The following MGMT variants were observed in gnomAD, a reference collection of about 807,000 sequenced individuals.
MGMT encodes the protein methylated-DNA--protein-cysteine methyltransferase.
Under a neutral mutation model 15.9 loss-of-function variants are expected in MGMT, and 14 were observed. That is an observed-to-expected ratio of 0.88 (90% CI 0.58 to 1.37). The LOEUF (loss-of-function observed/expected upper bound fraction) is 1.37. Among genes scored for constraint, MGMT ranks in the 40% most tolerant of loss-of-function variants. MGMT has a pLI of 0.00. For synonymous variants in MGMT, 130 were observed against 118.2 expected, an observed-to-expected ratio of 1.10 and a Z score of -0.65; for missense variants, 282 against 268.1, an observed-to-expected ratio of 1.05 and a Z score of -0.36.
chr10:129,754,726 G>A (rs969058163), intron 3 of MGMT, among the ~76,000 whole-genome samples: 1 of 152,264 alleles, frequency 6.6e-6, no homozygotes, highest in Admixed American at 6.5e-5. Context: ...TCCATGGCGA[G>A]GAAGCATGCC....
intron 2 of MGMT, among the ~76,000 whole-genome samples, chr10:129,598,635 T>G (rs1846781366): frequency 6.6e-6 from 1 of 152,230 alleles, no homozygotes. Context: ...CTCTATTTGG[T>G]GTTTTTGTTC....
chr10:129,660,965 G>A (rs9299872), intron 2 of MGMT, among the ~76,000 whole-genome samples: 49,775 of 152,070 alleles, frequency 0.33, 8,706 homozygotes, highest in East Asian at 0.37. Context: ...AAGTACAGCC[G>A]TAAAATCCTC....
At chr10:129,667,175 C>T (rs1847668892) in intron 2 of MGMT, among the ~76,000 whole-genome samples, 3 of 152,130 alleles carry the variant, frequency 2.0e-5, no homozygotes, top group Admixed American at 1.3e-4. Flanking sequence ...ACCATGGCGG[C>T]CCCTCAGAAC....
At chr10:129,522,094 A>AG (rs1845817765) in intron 1 of MGMT, among the ~76,000 whole-genome samples, 6 of 98,956 alleles carry the variant, frequency 6.1e-5, no homozygotes, top group Admixed American at 4.0e-4. Context: ...ATGGAGAAGA[A>AG]TTGGGTAAGG....
chr10:129,734,380 A>C (rs1412963605), intron 3 of MGMT, among the ~76,000 whole-genome samples: 1 of 146,160 alleles, frequency 6.8e-6, no homozygotes, highest in African/African-American at 2.4e-5. Context: ...TTGGTGTATA[A>C]GAATGCTTGT....
intron 2 of MGMT, among the ~76,000 whole-genome samples, chr10:129,622,624 T>C (rs1428382466): frequency 6.6e-6 from 1 of 152,252 alleles, no homozygotes; most frequent in African/African-American, 2.4e-5. Flanking sequence ...AATTTATCTT[T>C]AGTGTCCAAT....
At chr10:129,739,060 A>C (rs914064198) in intron 3 of MGMT, among the ~76,000 whole-genome samples, 1 of 152,220 alleles carries the variant, frequency 6.6e-6, no homozygotes, top group Non-Finnish European at 1.5e-5. Context: ...AAACCATATG[A>C]TTATCTCAAT....
intron 1 of MGMT, among the ~76,000 whole-genome samples, chr10:129,507,210 G>T (rs1216744761): frequency 6.6e-6 from 1 of 152,238 alleles, no homozygotes; most frequent in Non-Finnish European, 1.5e-5. Flanking sequence ...GTTGGAGCCA[G>T]CCTCTCCAGG....
chr10:129,731,747 G>A (rs1848500234), intron 3 of MGMT, among the ~76,000 whole-genome samples: 1 of 152,134 alleles, frequency 6.6e-6, no homozygotes, highest in Non-Finnish European at 1.5e-5. Flanking sequence ...GTAAACCTAT[G>A]GCAGGATATC....
intron 2 of MGMT, among the ~76,000 whole-genome samples, chr10:129,602,009 C>T (rs1462094097): frequency 2.6e-5 from 4 of 152,102 alleles, no homozygotes; most frequent in East Asian, 1.9e-4. Flanking sequence ...CTTTGACTGG[C>T]GACAGTTGCA....
rs74160232 is a variant in MGMT at position 129,569,178 on chromosome 10, G to T, written c.125+32801G>T. On this transcript the variant is annotated intron_variant, in intron 2 of 4. Coordinates refer to ENST00000651593, the MANE Select transcript of MGMT (RefSeq NM_002412.5). ...CTGTGACTTCCTCCTCTGCTAATGC[G>T]GCACTCTCATGCCTGCCTCGCAGGT... Among the ~76,000 whole-genome samples the T allele has an allele frequency of 8.3e-3, 1,271 of 152,270 alleles. 23 individuals are homozygous for T. The highest frequency in any genetic ancestry group is 0.029 in the African/African-American group (1,208 of 41,542).
At chr10:129,607,577 G>A (rs1294885562) in intron 2 of MGMT, among the ~76,000 whole-genome samples, 1 of 152,042 alleles carries the variant, frequency 6.6e-6, no homozygotes, top group African/African-American at 2.4e-5. Context: ...CCTTTTAAAG[G>A]GTCCTGCTGA....
At chr10:129,522,500 C>T (rs1429113321) in intron 1 of MGMT, among the ~76,000 whole-genome samples, 1 of 152,220 alleles carries the variant, frequency 6.6e-6, no homozygotes, top group Non-Finnish European at 1.5e-5. Context: ...AGGATCTGCG[C>T]ACACAAGGGT....
intron 1 of MGMT, among the ~76,000 whole-genome samples, chr10:129,479,834 C>T (rs1195942667): frequency 6.6e-6 from 1 of 151,944 alleles, no homozygotes; most frequent in East Asian, 1.9e-4. Flanking sequence ...GCCCTCCTTG[C>T]TGGGGGTCCT....
At chr10:129,482,760 T>C (rs1845371499) in intron 1 of MGMT, among the ~76,000 whole-genome samples, 1 of 152,214 alleles carries the variant, frequency 6.6e-6, no homozygotes, top group African/African-American at 2.4e-5. Context: ...TCCATTCTTT[T>C]ATGTTGAACC....
chr10:129,492,737 G>C (rs1190874045), intron 1 of MGMT, among the ~76,000 whole-genome samples: 1 of 152,204 alleles, frequency 6.6e-6, no homozygotes, highest in Non-Finnish European at 1.5e-5. Context: ...AGTCCCCCTA[G>C]TCCTGGTTGC....
intron 2 of MGMT, among the ~76,000 whole-genome samples, chr10:129,687,340 T>TA (rs1450060082): frequency 6.6e-6 from 1 of 152,080 alleles, no homozygotes; most frequent in Non-Finnish European, 1.5e-5. Flanking sequence ...TAGCCCGACG[T>TA]ATCACCCAAA....
chr10:129,575,486 C>T (rs1364770417), intron 2 of MGMT, among the ~76,000 whole-genome samples: 10 of 145,894 alleles, frequency 6.9e-5, no homozygotes, highest in South Asian at 2.2e-4. Flanking sequence ...TTGAAACCAA[C>T]GAGAACAAAG....
intron 2 of MGMT, among the ~76,000 whole-genome samples, chr10:129,612,070 T>G (rs897003563): frequency 1.3e-5 from 2 of 151,992 alleles, no homozygotes; most frequent in African/African-American, 4.8e-5. Flanking sequence ...AAGAAATACA[T>G]TGGTTTGGTC....
Sources: allele counts gnomAD v4.1 joint callset (sites outside exome capture counted in the v4.1 genomes callset), GRCh38; gene constraint gnomAD v4.1.1; transcripts MANE v1.5; gene names NCBI Gene and HGNC (gene_info 2026-07-23, HGNC 2026-07-21).